Variants in ACYP2 observed in about 807,000 individuals in gnomAD.
ACYP2 encodes acylphosphatase 2.
Under a neutral mutation model 11.2 loss-of-function variants are expected in ACYP2, and 12 were observed. The ratio of observed to expected loss-of-function variants is 1.08; its 90% CI spans 0.69 to 1.74. ACYP2 has a LOEUF of 1.74. Among genes scored for constraint, ACYP2 ranks in the 40% most tolerant of loss-of-function variants. The pLI is 0.00. For synonymous variants in ACYP2, 43 were observed against 32.2 expected, an observed-to-expected ratio of 1.33 and a Z score of -1.13; for missense variants, 134 against 101.9, an observed-to-expected ratio of 1.31 and a Z score of -1.35.
intron 6 of ACYP2, among the ~76,000 whole-genome samples, chr2:54,279,454 C>T (rs924253199): frequency 2.0e-5 from 3 of 152,134 alleles, no homozygotes; most frequent in Non-Finnish European, 4.4e-5. Flanking sequence ...TGCCAACTCC[C>T]GATTTTAACC....
chr2:54,018,248 C>G (rs550658409), intron 2 of ACYP2, among the ~76,000 whole-genome samples: 42 of 152,288 alleles, frequency 2.8e-4, no homozygotes, highest in African/African-American at 9.6e-4. Context: ...AGTTGCTGAT[C>G]AGGAGGTCTG....
At chr2:54,044,409 A>G (rs113981160) in intron 2 of ACYP2, among the ~76,000 whole-genome samples, 3,676 of 151,780 alleles carry the variant, frequency 0.024, 74 homozygotes, top group Non-Finnish European at 0.033. Context: ...AGCCTGGGCA[A>G]TATGGCGAAC....
At chr2:53,974,073 AT>A (rs777657098) in intron 2 of ACYP2, among the ~76,000 whole-genome samples, 211 of 142,556 alleles carry the variant, frequency 1.5e-3, no homozygotes, top group African/African-American at 4.2e-3. Context: ...CATCCAGATA[AT>A]TTTTTTTTTT....
intron 2 of ACYP2, among the ~76,000 whole-genome samples, chr2:54,020,802 A>T (rs530064710): frequency 6.6e-6 from 1 of 152,344 alleles, no homozygotes; most frequent in South Asian, 2.1e-4. Flanking sequence ...GAAACATGGG[A>T]AGTTTTTTGA....
intron 6 of ACYP2, among the ~76,000 whole-genome samples, chr2:54,156,920 G>A (rs1029382282): frequency 2.0e-5 from 3 of 152,046 alleles, no homozygotes; most frequent in Non-Finnish European, 2.9e-5. Flanking sequence ...CACCCGCCTC[G>A]GCCTCCCAAA....
Position 54,138,725 on chromosome 2 carries a change from GC to G in ACYP2, c.383del (p.Pro128GlnfsTer8), listed in dbSNP as rs1342616218. On this transcript the variant is annotated frameshift_variant, in exon 6 of 7. Coordinates refer to ENST00000607452, the MANE Select transcript of ACYP2 (RefSeq NM_001320586.2). LOFTEE classifies it high-confidence loss of function. ...GCACCGTGACAGGCCAAGTGCAGGG[GC>G]CAGAAGACAAAGTCAATTCCATGTG... is the stretch of plus-strand genomic sequence containing the variant. 1 of 1,613,794 alleles carries G rather than the reference GC, an allele frequency of 6.2e-7. No individual in the cohort carries two copies. The highest frequency in any genetic ancestry group is 8.5e-7 in the Non-Finnish European group (1 of 1,179,910).
chr2:54,144,211 G>A (rs1056832908), intron 6 of ACYP2, among the ~76,000 whole-genome samples: 7 of 151,912 alleles, frequency 4.6e-5, no homozygotes, highest in African/African-American at 1.5e-4. Context: ...GAGCTCAAAC[G>A]ATCCTCCTGC....
At chr2:54,039,132 T>C (rs1448565945) in intron 2 of ACYP2, among the ~76,000 whole-genome samples, 4 of 148,350 alleles carry the variant, frequency 2.7e-5, no homozygotes, top group African/African-American at 9.9e-5. Flanking sequence ...GAGGGTGAGG[T>C]TGGGAGAGAA....
At chr2:54,063,927 G>T (rs1676603041) in intron 4 of ACYP2, among the ~76,000 whole-genome samples, 1 of 152,216 alleles carries the variant, frequency 6.6e-6, no homozygotes, top group Admixed American at 6.5e-5. Flanking sequence ...TGTAGCTGGA[G>T]CGTAGAGAAG....
intron 2 of ACYP2, among the ~76,000 whole-genome samples, chr2:54,024,822 A>G (rs965928409): frequency 2.0e-5 from 3 of 152,200 alleles, no homozygotes; most frequent in African/African-American, 4.8e-5. Context: ...CGATATGATC[A>G]TATACCTAGA....
intron 6 of ACYP2, among the ~76,000 whole-genome samples, chr2:54,147,806 T>A (rs1558569259): frequency 6.6e-6 from 1 of 152,182 alleles, no homozygotes; most frequent in Non-Finnish European, 1.5e-5. Context: ...ATTACAGGCG[T>A]GAGTTACCAC....
At chr2:54,124,125 A>G (rs1572808619) in intron 4 of ACYP2, among the ~76,000 whole-genome samples, 1 of 152,350 alleles carries the variant, frequency 6.6e-6, no homozygotes, top group East Asian at 1.9e-4. Context: ...TCTTGTGTCC[A>G]TAACCTCTCC....
chr2:54,203,280 G>A (rs1277895318), intron 6 of ACYP2, among the ~76,000 whole-genome samples: 5 of 152,120 alleles, frequency 3.3e-5, no homozygotes, highest in African/African-American at 4.8e-5. Flanking sequence ...TATTGATAAT[G>A]TATAGGAAAA....
chr2:54,272,919 G>C (rs1010496340), intron 6 of ACYP2, among the ~76,000 whole-genome samples: 1 of 152,194 alleles, frequency 6.6e-6, no homozygotes, highest in African/African-American at 2.4e-5. Flanking sequence ...AAATGTGGAA[G>C]CTTCTATAAA....
At chr2:54,060,621 T>A (rs111531148) in intron 4 of ACYP2, among the ~76,000 whole-genome samples, 4,049 of 152,332 alleles carry the variant, frequency 0.027, 177 homozygotes, top group African/African-American at 0.091. Context: ...AAGTAGGTTC[T>A]ACTAATTTAT....
chr2:54,166,068 T>C (rs1682956354), intron 6 of ACYP2, among the ~76,000 whole-genome samples: 2 of 152,178 alleles, frequency 1.3e-5, no homozygotes, highest in East Asian at 3.8e-4. Context: ...CCCTGGTCCA[T>C]TGGCTTAGTG....
chr2:54,177,767 C>T (rs536363254), intron 6 of ACYP2, among the ~76,000 whole-genome samples: 2 of 151,924 alleles, frequency 1.3e-5, no homozygotes, highest in Non-Finnish European at 2.9e-5. Context: ...TTAGTAGAGA[C>T]AGGGTTTTAC....
intron 6 of ACYP2, among the ~76,000 whole-genome samples, chr2:54,268,956 CTT>C (rs2104072716): frequency 6.6e-6 from 1 of 152,210 alleles, no homozygotes; most frequent in Admixed American, 6.5e-5. Context: ...TGAATTATCT[CTT>C]AATTTAAACC....
intron 6 of ACYP2, among the ~76,000 whole-genome samples, chr2:54,191,900 C>T (rs900632677): frequency 6.6e-6 from 1 of 152,186 alleles, no homozygotes; most frequent in African/African-American, 2.4e-5. Flanking sequence ...TGCCTATTAT[C>T]TGTCCACCCA....
Sources: gnomAD v4.1 joint callset for allele counts (sites outside exome capture counted in the v4.1 genomes callset) on GRCh38, gnomAD v4.1.1 for gene constraint, MANE v1.5 for transcripts, NCBI Gene and HGNC (gene_info 2026-07-23, HGNC 2026-07-21) for gene names.